The following CNTN1 variants were observed in gnomAD, a reference collection of about 807,000 sequenced individuals.
CNTN1 encodes contactin 1.
A neutral mutation model predicts 126.4 loss-of-function variants in CNTN1; 38 were observed. The ratio of observed to expected loss-of-function variants is 0.30; its 90% CI spans 0.23 to 0.39. CNTN1 has a LOEUF of 0.39. Among genes scored for constraint, CNTN1 ranks in the 10% least tolerant of loss-of-function variants. The pLI, the probability that CNTN1 is intolerant of heterozygous loss-of-function variation, is 1.00. For missense variants in CNTN1, 1,009 were observed against 1,248.4 expected (o/e 0.81, Z 2.89); for synonymous variants, 413 against 422.6 (o/e 0.98, Z 0.28).
chr12:40,912,490 T>A (rs984728354), intron 3 of CNTN1, among the ~76,000 whole-genome samples: 2 of 151,954 alleles, frequency 1.3e-5, no homozygotes, highest in Non-Finnish European at 2.9e-5. Flanking sequence ...CCTTTGTAAT[T>A]CATTGAGAAA....
chr12:40,834,151 GC>G (rs2136560378), intron 1 of CNTN1, among the ~76,000 whole-genome samples: 1 of 152,244 alleles, frequency 6.6e-6, no homozygotes, highest in South Asian at 2.1e-4. Context: ...AGAAAACCGT[GC>G]TTTGAAGAAT....
intron 1 of CNTN1, among the ~76,000 whole-genome samples, chr12:40,745,934 G>C (rs1421855774): frequency 3.9e-5 from 6 of 152,118 alleles, no homozygotes; most frequent in Admixed American, 3.9e-4. Context: ...TGGTCCCTTG[G>C]ATAGGAATTT....
At chr12:40,865,960 G>A (rs1048895446) in intron 1 of CNTN1, among the ~76,000 whole-genome samples, 6 of 151,982 alleles carry the variant, frequency 3.9e-5, no homozygotes, top group African/African-American at 1.4e-4. Flanking sequence ...AACATAAGAT[G>A]ATTTTCCATT....
intron 6 of CNTN1, among the ~76,000 whole-genome samples, chr12:40,927,640 A>G (rs1465257869): frequency 6.6e-6 from 1 of 152,150 alleles, no homozygotes; most frequent in African/African-American, 2.4e-5. Flanking sequence ...CTTTAAAAAT[A>G]AGTAAGATTT....
chr12:40,732,756 A>G (rs1030263589), intron 1 of CNTN1, among the ~76,000 whole-genome samples: 5 of 152,088 alleles, frequency 3.3e-5, no homozygotes, highest in Non-Finnish European at 7.4e-5. Context: ...AGCTGACAGG[A>G]ATTAATTCTA....
intron 1 of CNTN1, among the ~76,000 whole-genome samples, chr12:40,794,802 G>A (rs73112673): frequency 6.6e-6 from 1 of 152,154 alleles, no homozygotes; most frequent in Non-Finnish European, 1.5e-5. Flanking sequence ...TGAAAAGTGA[G>A]TCTGCCAATT....
intron 15 of CNTN1, among the ~76,000 whole-genome samples, chr12:40,978,180 A>G (rs1452399120): frequency 6.6e-6 from 1 of 152,098 alleles, no homozygotes; most frequent in African/African-American, 2.4e-5. Context: ...ATTTTAAGAA[A>G]CTTGCCCAAG....
intron 14 of CNTN1, among the ~76,000 whole-genome samples, chr12:40,948,801 G>T (rs1324991320): frequency 1.3e-5 from 2 of 152,134 alleles, no homozygotes; most frequent in Non-Finnish European, 2.9e-5. Context: ...TGCTCACTCA[G>T]ATTGCCCAAA....
chr12:40,945,434 G>C (rs1946400528), intron 14 of CNTN1, among the ~76,000 whole-genome samples: 1 of 152,002 alleles, frequency 6.6e-6, no homozygotes, highest in Non-Finnish European at 1.5e-5. Flanking sequence ...GTAGGCTTCT[G>C]AATTTGAAAG....
intron 1 of CNTN1, among the ~76,000 whole-genome samples, chr12:40,907,968 C>G (rs955026524): frequency 9.9e-5 from 15 of 152,072 alleles, no homozygotes; most frequent in African/African-American, 3.6e-4. Context: ...ATGTAACCTT[C>G]AATTAAAGTG....
chr12:40,922,889 G>T (rs760410483), intron 5 of CNTN1, among the ~76,000 whole-genome samples: 1 of 149,930 alleles, frequency 6.7e-6, no homozygotes, highest in Non-Finnish European at 1.5e-5. Context: ...GAGAATTGAT[G>T]GAACCTGGGA....
intron 1 of CNTN1, among the ~76,000 whole-genome samples, chr12:40,791,188 G>A (rs1592090886): frequency 1.3e-5 from 2 of 151,964 alleles, no homozygotes; most frequent in Admixed American, 1.3e-4. Flanking sequence ...AACTTTTTTT[G>A]TTTTATATTT....
intron 16 of CNTN1, among the ~76,000 whole-genome samples, chr12:40,982,347 G>A (rs1947841624): frequency 6.6e-6 from 1 of 152,046 alleles, no homozygotes; most frequent in African/African-American, 2.4e-5. Flanking sequence ...CTACTTTTCT[G>A]AAGAGAATGG....
chr12:40,898,781 G>T (rs1188170174), intron 1 of CNTN1, among the ~76,000 whole-genome samples: 1 of 152,176 alleles, frequency 6.6e-6, no homozygotes, highest in Non-Finnish European at 1.5e-5. Flanking sequence ...TCCCTTCAGG[G>T]GTGGTCTCGT....
intron 23 of CNTN1, among the ~76,000 whole-genome samples, chr12:41,064,618 A>T (rs978602869): frequency 2.0e-5 from 3 of 152,156 alleles, no homozygotes; most frequent in African/African-American, 7.2e-5. Flanking sequence ...GAGTTGCGGG[A>T]AGTACAGGTG....
chr12:40,733,045 T>G (rs1223427374), intron 1 of CNTN1, among the ~76,000 whole-genome samples: 1 of 152,062 alleles, frequency 6.6e-6, no homozygotes, highest in Admixed American at 6.6e-5. Context: ...AGCTTCTGCA[T>G]TCTGTTTATA....
intron 1 of CNTN1, among the ~76,000 whole-genome samples, chr12:40,707,755 G>A (rs118108721): frequency 2.1e-3 from 325 of 152,214 alleles, no homozygotes; most frequent in Non-Finnish European, 3.2e-3. Flanking sequence ...GAGATGAAGA[G>A]GAAAATATGA....
intron 1 of CNTN1, among the ~76,000 whole-genome samples, chr12:40,720,946 G>A (rs1464286519): frequency 2.1e-5 from 3 of 141,130 alleles, no homozygotes; most frequent in Non-Finnish European, 4.8e-5. Flanking sequence ...AACAAAAAAA[G>A]AGAAATATAT....
At chr12:41,007,836 C>G (rs1192294185) in intron 17 of CNTN1, among the ~76,000 whole-genome samples, 3 of 152,308 alleles carry the variant, frequency 2.0e-5, no homozygotes, top group East Asian at 3.9e-4. Flanking sequence ...ATAGTCCTTA[C>G]TTCCTGCCAG....
Sources: allele counts gnomAD v4.1 joint callset (sites outside exome capture counted in the v4.1 genomes callset), GRCh38; gene constraint gnomAD v4.1.1; transcripts MANE v1.5; gene names NCBI Gene and HGNC (gene_info 2026-07-23, HGNC 2026-07-21).